Variants in RNF115 observed in about 807,000 individuals in gnomAD.
RNF115 encodes E3 ubiquitin-protein ligase RNF115.
Under a neutral mutation model 39.2 loss-of-function variants are expected in RNF115, and 31 were observed. That is an observed-to-expected ratio of 0.79 (90% CI 0.59 to 1.07). RNF115 has a LOEUF of 1.07. Among genes scored for constraint, RNF115 ranks in the 50% least tolerant of loss-of-function variants. The pLI, the probability that RNF115 is intolerant of heterozygous loss-of-function variation, is 0.00. For synonymous variants in RNF115, 124 were observed against 131.0 expected, an observed-to-expected ratio of 0.95 and a Z score of 0.37; for missense variants, 384 against 381.7, an observed-to-expected ratio of 1.01 and a Z score of -0.05.
intron 3 of RNF115, among the ~76,000 whole-genome samples, chr1:145,780,416 C>T (rs1398775100): frequency 6.6e-6 from 1 of 151,824 alleles, no homozygotes; most frequent in Non-Finnish European, 1.5e-5. Flanking sequence ...GTCAGGAGAT[C>T]GAGACCATCC....
intron 1 of RNF115, among the ~76,000 whole-genome samples, chr1:145,791,512 CAAA>C (rs1180971080): frequency 8.5e-5 from 9 of 106,032 alleles, no homozygotes; most frequent in Non-Finnish European, 1.0e-4. Flanking sequence ...AACTCCACCT[CAAA>C]AAAAAAAAAA....
In RNF115 at chr1:145,824,090, A is replaced by G; in HGVS notation, c.-217T>C. 2.2e-6 allele frequency: 1 copy of G among 461,082 alleles called. No individual in the cohort carries two copies. The highest frequency in any genetic ancestry group is 3.8e-6 in the Non-Finnish European group (1 of 262,978). The allele number at this position is 461,082 out of a possible 1,614,324, so 28.6% of individuals were successfully genotyped here. On this transcript the variant is annotated 5_prime_UTR_variant, in exon 1 of 9. Transcript: ENST00000582693. ...CCAGCACCAAAGAGGCGCAGGAAGG[A>G]GAGACAAACGGCCCGCCCGCCGGCT...
At chr1:145,778,628 T>C (rs587641575) in intron 3 of RNF115, among the ~76,000 whole-genome samples, 2 of 152,284 alleles carry the variant, frequency 1.3e-5, no homozygotes, top group African/African-American at 4.8e-5. Context: ...GTAAGGAAGA[T>C]ACTCATCACC....
At chr1:145,769,064 G>A (rs1647517846) in intron 4 of RNF115, among the ~76,000 whole-genome samples, 1 of 152,152 alleles carries the variant, frequency 6.6e-6, no homozygotes, top group Non-Finnish European at 1.5e-5. Context: ...AAATAAGTGA[G>A]AAGGCTACTT....
At chr1:145,782,903 C>A (rs929465808) in intron 3 of RNF115, among the ~76,000 whole-genome samples, 10 of 152,204 alleles carry the variant, frequency 6.6e-5, no homozygotes, top group Admixed American at 2.6e-4. Context: ...GCTCTGTCAC[C>A]CAGGCTGGAG....
Position 145,750,407 on chromosome 1 carries a change from C to T in RNF115, c.667G>A (p.Asp223Asn). 6.2e-7 allele frequency: 1 copy of T among 1,608,882 alleles called. No individual in the cohort carries two copies. The highest frequency in any genetic ancestry group is 2.2e-5 in the East Asian group (1 of 44,832). ...AGAATAAGTATAAAAATGAACCTAC[C>T]AACTTGTTCCTGAGTTACTGTCACT... ...PTVTVTQEQV[D>N]MGLECPVCKE... The change falls in exon 7 of 9, where the codon GAT (aspartate) becomes AAT (asparagine). Residue 223 changes from aspartate to asparagine, a missense_variant and splice_region_variant. Coordinates refer to ENST00000582693, the MANE Select transcript of RNF115 (RefSeq NM_014455.4).
chr1:145,776,090 A>AAG (rs1647870636), intron 3 of RNF115, among the ~76,000 whole-genome samples: 1 of 147,358 alleles, frequency 6.8e-6, no homozygotes, highest in East Asian at 2.1e-4. Flanking sequence ...CCACAGGGTA[A>AAG]GGGGGGGGCT....
In RNF115 at chr1:145,739,270, A is replaced by G. The variant is rs1200490969; in HGVS notation, c.*7596T>C. ...CAGGATATTCCTGATAGGAGGAACT[A>G]CATGAATAAAGGGGTAAGAGCACAG... is the stretch of plus-strand genomic sequence containing the variant. On this transcript the variant is annotated 3_prime_UTR_variant, in exon 9 of 9. Coordinates refer to ENST00000582693, the MANE Select transcript of RNF115 (RefSeq NM_014455.4). 3 of 152,294 alleles carry G rather than the reference A, an allele frequency of 2.0e-5. No individual in the cohort carries two copies. The highest frequency in any genetic ancestry group is 7.2e-5 in the African/African-American group (3 of 41,472). 9.4% of individuals were successfully genotyped at this position (152,294 alleles called of 1,614,324 possible).
Position 145,823,972 on chromosome 1 carries a change from G to A in RNF115, c.-99C>T. On this transcript the variant is annotated 5_prime_UTR_variant, in exon 1 of 9. Coordinates refer to ENST00000582693, the MANE Select transcript of RNF115 (RefSeq NM_014455.4). ...AGTCGTCGCCGCCGCCGCCGCCTCG[G>A]TGCGGCCCACCGCTTCAGAGCCCGC... The A allele has an allele frequency of 1.1e-6, 1 of 871,386 alleles. No homozygotes were observed. The highest frequency in any genetic ancestry group is 1.6e-6 in the Non-Finnish European group (1 of 619,728). The allele number at this position is 871,386 out of a possible 1,614,324, so 54.0% of individuals were successfully genotyped here.
intron 3 of RNF115, among the ~76,000 whole-genome samples, chr1:145,774,177 C>T (rs1387471537): frequency 2.0e-5 from 3 of 152,110 alleles, no homozygotes; most frequent in South Asian, 4.1e-4. Context: ...CTACCATTTT[C>T]GCTGACATCA....
chr1:145,789,037 T>C (rs782001958), intron 1 of RNF115, 71 bp from the exon 2 acceptor site: 5 of 909,478 alleles, frequency 5.5e-6, no homozygotes, highest in Non-Finnish European at 8.9e-6. Context: ...AGTTTCAGAA[T>C]AACATGCAGT....
At chr1:145,821,457 CT>C (rs1172613737) in intron 1 of RNF115, among the ~76,000 whole-genome samples, 84 of 47,470 alleles carry the variant, frequency 1.8e-3, no homozygotes, top group African/African-American at 3.9e-3. Flanking sequence ...TCTTCTCACT[CT>C]TTTTTTTTTT....
chr1:145,771,281 T>C (rs922862155), intron 4 of RNF115, among the ~76,000 whole-genome samples: 2 of 152,228 alleles, frequency 1.3e-5, no homozygotes, highest in African/African-American at 4.8e-5. Context: ...TCTTTCTTGC[T>C]CATGCATGCT....
intron 4 of RNF115, among the ~76,000 whole-genome samples, chr1:145,760,886 G>A (rs1658476012): frequency 6.6e-6 from 1 of 152,192 alleles, no homozygotes; most frequent in South Asian, 2.1e-4. Flanking sequence ...CTAGAGACTT[G>A]TTCAATGGCT....
At chr1:145,790,299 C>A (rs182246711) in intron 1 of RNF115, among the ~76,000 whole-genome samples, 1 of 151,952 alleles carries the variant, frequency 6.6e-6, no homozygotes, top group Non-Finnish European at 1.5e-5. Context: ...CAACACCACG[C>A]CTGGCTAATT....
chr1:145,807,944 T>C (rs1193961356), intron 1 of RNF115, among the ~76,000 whole-genome samples: 11 of 152,316 alleles, frequency 7.2e-5, no homozygotes, highest in African/African-American at 2.6e-4. Flanking sequence ...TATGCAATAT[T>C]TGTCTTTCTG....
intron 4 of RNF115, among the ~76,000 whole-genome samples, chr1:145,762,804 CT>C (rs1358837526): frequency 2.0e-5 from 3 of 152,028 alleles, no homozygotes; most frequent in Non-Finnish European, 4.4e-5. Flanking sequence ...GGTGGGAAAT[CT>C]TAAAACATAT....
Position 145,771,798 on chromosome 1 carries a change from C to T in RNF115, c.341G>A (p.Trp114Ter). Residue 114 changes from tryptophan (W) to a stop codon, truncating the protein, a stop_gained, in exon 4 of 9, where the codon TGG becomes TAG. Coordinates refer to ENST00000582693, the MANE Select transcript of RNF115 (RefSeq NM_014455.4). LOFTEE classifies it high-confidence loss of function. ...ERGHQTHTDFWGARPPRLPLG... is the reference protein window; with the variant it reads ...ERGHQTHTDF The stretch of plus-strand genomic sequence containing the variant: ...TGGCAACCGTGGAGGTCTTGCTCCC[C>T]AGAAGTCAGTGTGAGTCTGGTGACC... 6.2e-7 allele frequency: 1 copy of T among 1,614,142 alleles called. No homozygotes were observed. Among genetic ancestry groups the T allele is most frequent in the Non-Finnish European group, 8.5e-7 (1 of 1,179,996 alleles).
intron 1 of RNF115, among the ~76,000 whole-genome samples, chr1:145,796,472 G>A (rs917670470): frequency 6.6e-6 from 1 of 150,718 alleles, no homozygotes; most frequent in Non-Finnish European, 1.5e-5. Flanking sequence ...TGTCACCCAA[G>A]CTGGAGCGCA....
Sources: allele counts gnomAD v4.1 joint callset (sites outside exome capture counted in the v4.1 genomes callset), GRCh38; gene constraint gnomAD v4.1.1; transcripts MANE v1.5; gene names NCBI Gene and HGNC (gene_info 2026-07-23, HGNC 2026-07-21).